Variants in TTC29 observed in about 807,000 individuals in gnomAD.
TTC29 encodes the protein tetratricopeptide repeat domain 29.
In TTC29, 49 loss-of-function variants were observed where a neutral mutation model predicts 58.1. That is an observed-to-expected ratio of 0.84 (90% CI 0.67 to 1.07). TTC29 has a LOEUF of 1.07. TTC29 is among the 50% of genes least tolerant of loss of function. The pLI, the probability that TTC29 is intolerant of heterozygous loss-of-function variation, is 0.00. For missense variants in TTC29, 582 were observed against 555.6 expected, an observed-to-expected ratio of 1.05 and a Z score of -0.48; for synonymous variants, 209 against 196.8, an observed-to-expected ratio of 1.06 and a Z score of -0.52.
Position 146,796,035 on chromosome 4 carries a change from T to G in TTC29, c.1330+7422A>C, listed in dbSNP as rs1459065261. ...GTTTTGCTATGGTTTAACTGAAAAC[T>G]TTTCATAAGCTCCTCAAACTAGCAA... On this transcript the variant is annotated intron_variant, in intron 11 of 12. Transcript: ENST00000325106. Among the ~76,000 whole-genome samples the G allele has an allele frequency of 3.3e-5, 5 of 152,144 alleles. No individual in the cohort carries two copies. The East Asian group carries it at 9.6e-4, about 29-fold the overall frequency.
chr4:146,847,502 A>T (rs142528147), intron 8 of TTC29, among the ~76,000 whole-genome samples: 22 of 152,320 alleles, frequency 1.4e-4, no homozygotes, highest in Non-Finnish European at 3.1e-4. Context: ...TTGACAAAAC[A>T]AGCCAGTGTG....
chr4:146,924,281 G>A (rs906042668), intron 4 of TTC29, among the ~76,000 whole-genome samples: 1 of 151,748 alleles, frequency 6.6e-6, no homozygotes, highest in South Asian at 2.1e-4. Flanking sequence ...AATTAGTTGA[G>A]AACTGTTTCT....
intron 11 of TTC29, among the ~76,000 whole-genome samples, chr4:146,727,166 C>G (rs918501282): frequency 6.6e-6 from 1 of 151,808 alleles, no homozygotes; most frequent in Non-Finnish European, 1.5e-5. Context: ...TTTTAAGAAG[C>G]AATATATATT....
chr4:146,720,219 T>G (rs189369576), intron 11 of TTC29, among the ~76,000 whole-genome samples: 1 of 152,304 alleles, frequency 6.6e-6, no homozygotes, highest in East Asian at 1.9e-4. Context: ...AAGGATTTAG[T>G]AAGACTCTAA....
At chr4:146,869,807 G>C (rs1052398154) in intron 7 of TTC29, among the ~76,000 whole-genome samples, 1 of 152,018 alleles carries the variant, frequency 6.6e-6, no homozygotes, top group East Asian at 1.9e-4. Flanking sequence ...TTAAGCATGA[G>C]AACTTTTCTT....
intron 11 of TTC29, among the ~76,000 whole-genome samples, chr4:146,778,999 A>AG (rs1554013314): frequency 1.9e-4 from 15 of 78,192 alleles, no homozygotes; most frequent in African/African-American, 9.3e-4. Flanking sequence ...AAAAAAAAAA[A>AG]AAAAGAAAAG....
intron 4 of TTC29, among the ~76,000 whole-genome samples, chr4:146,926,518 G>T (rs996959144): frequency 5.9e-5 from 9 of 151,984 alleles, no homozygotes; most frequent in Non-Finnish European, 1.3e-4. Context: ...TGTCGCCCAG[G>T]CTGGAGAGTG....
chr4:146,907,849 C>A (rs1269207627), intron 5 of TTC29, among the ~76,000 whole-genome samples: 2 of 152,128 alleles, frequency 1.3e-5, no homozygotes, highest in African/African-American at 4.8e-5. Context: ...TAGTTAATTT[C>A]TTGAGAAATA....
chr4:146,761,642 A>G (rs139646851), intron 11 of TTC29, among the ~76,000 whole-genome samples: 6 of 148,514 alleles, frequency 4.0e-5, no homozygotes, highest in African/African-American at 1.2e-4. Context: ...AGGAGATTTT[A>G]GTTGAGTAGT....
At chr4:146,904,178 T>G (rs1200629694) in intron 5 of TTC29, among the ~76,000 whole-genome samples, 1 of 152,126 alleles carries the variant, frequency 6.6e-6, no homozygotes, top group African/African-American at 2.4e-5. Context: ...GAGAGCAAAA[T>G]GGATATGAAA....
intron 11 of TTC29, among the ~76,000 whole-genome samples, chr4:146,712,462 T>C (rs1232947173): frequency 2.0e-5 from 3 of 152,138 alleles, no homozygotes; most frequent in African/African-American, 7.2e-5. Flanking sequence ...TTGTAACTGA[T>C]GGTTTGTAAA....
intron 10 of TTC29, among the ~76,000 whole-genome samples, chr4:146,809,920 C>T (rs1262367601): frequency 6.6e-6 from 1 of 151,156 alleles, no homozygotes; most frequent in Non-Finnish European, 1.5e-5. Context: ...TGGGTATATT[C>T]CCCAAGGATT....
intron 11 of TTC29, among the ~76,000 whole-genome samples, chr4:146,737,294 G>C (rs1421298153): frequency 6.6e-6 from 1 of 152,120 alleles, no homozygotes; most frequent in Non-Finnish European, 1.5e-5. Context: ...ATATTCATTA[G>C]AAGAACTCCC....
At chr4:146,800,945 G>A (rs1750173688) in intron 11 of TTC29, among the ~76,000 whole-genome samples, 1 of 152,196 alleles carries the variant, frequency 6.6e-6, no homozygotes, top group African/African-American at 2.4e-5. Context: ...ATGTGGGACA[G>A]AGAAGAGACC....
intron 5 of TTC29, 60 bp from the exon 6 acceptor site, chr4:146,903,789 T>C: frequency 2.4e-6 from 3 of 1,241,296 alleles, no homozygotes; most frequent in Non-Finnish European, 1.1e-6. Flanking sequence ...GCACACCCTT[T>C]AGAACGGCAA....
At chr4:146,783,368 G>C (rs903890508) in intron 11 of TTC29, among the ~76,000 whole-genome samples, 2 of 150,508 alleles carry the variant, frequency 1.3e-5, no homozygotes, top group African/African-American at 4.9e-5. Flanking sequence ...TGAAAACTTA[G>C]CCTCTATGTA....
chr4:146,915,214 C>T (rs1028408405), intron 4 of TTC29, among the ~76,000 whole-genome samples: 7 of 152,150 alleles, frequency 4.6e-5, no homozygotes, highest in African/African-American at 1.7e-4. Flanking sequence ...CTTCCCATTT[C>T]CCTACATTGC....
chr4:146,819,192 G>A (rs922015828), intron 10 of TTC29, among the ~76,000 whole-genome samples: 3 of 151,286 alleles, frequency 2.0e-5, no homozygotes, highest in Non-Finnish European at 3.0e-5. Flanking sequence ...AAGCACATAC[G>A]TTAACTTAAT....
chr4:146,888,607 A>G (rs566313752), intron 6 of TTC29, among the ~76,000 whole-genome samples: 3 of 152,302 alleles, frequency 2.0e-5, no homozygotes, highest in Admixed American at 2.0e-4. Context: ...TTTACTTATC[A>G]CATTTAGTTT....
Sources: allele counts gnomAD v4.1 joint callset (sites outside exome capture counted in the v4.1 genomes callset), GRCh38; gene constraint gnomAD v4.1.1; transcripts MANE v1.5; gene names NCBI Gene and HGNC (gene_info 2026-07-23, HGNC 2026-07-21).